ST6GALNAC3: variants seen among roughly 807,000 people sequenced by gnomAD.
ST6GALNAC3 encodes the protein alpha-N-acetylgalactosaminide alpha-2,6-sialyltransferase 3.
ST6GALNAC3 carries 25 observed loss-of-function variants against 32.7 expected under a neutral mutation model. The observed-to-expected ratio is 0.76, with a 90% CI of 0.56 to 1.07. The LOEUF (loss-of-function observed/expected upper bound fraction) is 1.07, where lower values mean the gene tolerates loss of function less well. ST6GALNAC3 is among the 50% of genes least tolerant of loss of function. The pLI, the probability that ST6GALNAC3 is intolerant of heterozygous loss-of-function variation, is 0.00. For missense variants in ST6GALNAC3, 355 were observed against 382.4 expected, an observed-to-expected ratio of 0.93 and a Z score of 0.60; for synonymous variants, 129 against 133.1, an observed-to-expected ratio of 0.97 and a Z score of 0.21.
chr1:76,415,896 C>T (rs1037097066), intron 3 of ST6GALNAC3, among the ~76,000 whole-genome samples: 1 of 151,950 alleles, frequency 6.6e-6, no homozygotes. Flanking sequence ...GAGTTCAAAC[C>T]GAAACTTTCA....
At chr1:76,612,023 C>T (rs1481221495) in intron 3 of ST6GALNAC3, among the ~76,000 whole-genome samples, 1 of 152,134 alleles carries the variant, frequency 6.6e-6, no homozygotes, top group Non-Finnish European at 1.5e-5. Context: ...AAGACACCTG[C>T]GACTTGATAA....
chr1:76,502,371 G>A lies in ST6GALNAC3; in HGVS notation c.623+89954G>A, dbSNP rs904752132. On this transcript the variant is annotated intron_variant, in intron 3 of 4. Transcript: ENST00000328299. ...GTTTGCTAGGGTTGCCAAAGAAAAA[G>A]ACCACAAACTGGGTGCCTGAAACAT... Among the ~76,000 whole-genome samples the A allele has an allele frequency of 8.5e-4, 129 of 152,266 alleles. 1 individual carries two copies. Among genetic ancestry groups the A allele is most frequent in the African/African-American group, 3.1e-3 (127 of 41,564 alleles).
chr1:76,089,382 G>A (rs553497394), intron 1 of ST6GALNAC3, among the ~76,000 whole-genome samples: 2 of 152,226 alleles, frequency 1.3e-5, no homozygotes, highest in South Asian at 4.2e-4. Flanking sequence ...GAGTCCTTGG[G>A]TTGGCTCTGG....
intron 2 of ST6GALNAC3, among the ~76,000 whole-genome samples, chr1:76,410,303 A>G (rs1654141819): frequency 3.9e-5 from 6 of 152,020 alleles, no homozygotes; most frequent in Admixed American, 3.9e-4. Flanking sequence ...TGGTTTTTGC[A>G]TTTGCTCTGC....
intron 3 of ST6GALNAC3, among the ~76,000 whole-genome samples, chr1:76,435,538 G>A (rs1656080137): frequency 6.6e-6 from 1 of 152,158 alleles, no homozygotes; most frequent in Non-Finnish European, 1.5e-5. Context: ...CCTGAATGCT[G>A]AGTAAACAAT....
chr1:76,290,444 T>C (rs1032286055), intron 1 of ST6GALNAC3, among the ~76,000 whole-genome samples: 4 of 152,232 alleles, frequency 2.6e-5, no homozygotes, highest in African/African-American at 9.6e-5. Context: ...ATTATTTATT[T>C]AGCCATCTTA....
At chr1:76,167,867 T>C (rs409312) in intron 1 of ST6GALNAC3, among the ~76,000 whole-genome samples, 21,137 of 152,010 alleles carry the variant, frequency 0.14, 1,720 homozygotes, top group Non-Finnish European at 0.19. Context: ...TTTATTGGAA[T>C]CTTCTCTCTT....
At chr1:76,515,754 C>G (rs1030318846) in intron 3 of ST6GALNAC3, among the ~76,000 whole-genome samples, 1 of 152,040 alleles carries the variant, frequency 6.6e-6, no homozygotes, top group Non-Finnish European at 1.5e-5. Context: ...TAGGTTTGTA[C>G]CATTATGGTC....
At chr1:76,334,832 G>A (rs55753029) in intron 2 of ST6GALNAC3, among the ~76,000 whole-genome samples, 1,663 of 152,286 alleles carry the variant, frequency 0.011, 35 homozygotes, top group African/African-American at 0.037. Context: ...CAGGGTTTCC[G>A]ATTCAGTAGA....
intron 1 of ST6GALNAC3, among the ~76,000 whole-genome samples, chr1:76,292,722 C>T (rs914847354): frequency 7.2e-5 from 11 of 152,188 alleles, no homozygotes; most frequent in African/African-American, 2.2e-4. Context: ...CACTTCCTCT[C>T]ACCGTAGCAT....
intron 1 of ST6GALNAC3, among the ~76,000 whole-genome samples, chr1:76,174,869 T>C (rs1240990355): frequency 6.6e-6 from 1 of 152,058 alleles, no homozygotes; most frequent in Non-Finnish European, 1.5e-5. Context: ...GGTTTCTCCA[T>C]GTTGGCCAGG....
chr1:76,591,914 TAATTTAC>T lies in ST6GALNAC3; in HGVS notation c.624-35533_624-35527del, dbSNP rs142563491. ...CATACCTCAATAATAAATATCTATC[TAATTTAC>T]AATTGGCACGGAAAGAAGTTCTGTG... On this transcript the variant is annotated intron_variant, in intron 3 of 4. Coordinates refer to ENST00000328299, the MANE Select transcript of ST6GALNAC3 (RefSeq NM_152996.4). Among the ~76,000 whole-genome samples the T allele has an allele frequency of 4.5e-3, 688 of 152,302 alleles. 2 individuals carry two copies. The highest frequency in any genetic ancestry group is 5.4e-3 in the Non-Finnish European group (366 of 68,032).
rs1037750652 is a variant in ST6GALNAC3 at position 76,143,828 on chromosome 1, T to C, written c.18+68944T>C. Among the ~76,000 whole-genome samples, 6 of 152,262 alleles carry C rather than the reference T, an allele frequency of 3.9e-5. No individual in the cohort carries two copies. In the South Asian group the frequency reaches 6.2e-4, roughly 16 times the overall value. On this transcript the variant is annotated intron_variant, in intron 1 of 4. Transcript: ENST00000328299. ...AAAATATGATAGGGGCTGCGGCTTA[T>C]TGAGGCCTCACTATTGAGAGGGGGC...
intron 3 of ST6GALNAC3, among the ~76,000 whole-genome samples, chr1:76,494,560 C>T (rs76885831): frequency 0.033 from 4,142 of 126,842 alleles, 270 homozygotes; most frequent in African/African-American, 0.12. Context: ...AACACACACA[C>T]ACACACACAC....
Position 76,494,743 on chromosome 1 carries a change from G to GCACACACA in ST6GALNAC3, c.623+82345_623+82352dup, listed in dbSNP as rs34912507. ...GCATGAAAATATATTTCATGTGTAT[G>GCACACACA]CACACACACACACACACACACACAC... On this transcript the variant is annotated intron_variant, in intron 3 of 4. Transcript: ENST00000328299. Among the ~76,000 whole-genome samples the GCACACACA allele has an allele frequency of 7.3e-3, 946 of 130,374 alleles. 31 individuals carry two copies. The highest frequency in any genetic ancestry group is 0.045 in the Middle Eastern group (12 of 266). The allele number at this position is 130,374 out of a possible 152,430, so 85.5% of individuals were successfully genotyped here.
In ST6GALNAC3 at chr1:76,339,365, A is replaced by C. The variant is rs111979270; in HGVS notation, c.213+25366A>C. Among the ~76,000 whole-genome samples, 813 of 152,284 alleles carry C rather than the reference A, an allele frequency of 5.3e-3. 10 individuals carry two copies. The highest frequency in any genetic ancestry group is 0.019 in the African/African-American group (776 of 41,566). ...TGGAGTGAAGCTGAAGGAAGGAGCC[A>C]TGAGCCAGGCATGTGGGAAGTTCCT... is the stretch of plus-strand genomic sequence containing the variant. On this transcript the variant is annotated intron_variant, in intron 2 of 4. Coordinates refer to ENST00000328299, the MANE Select transcript of ST6GALNAC3 (RefSeq NM_152996.4).
At chr1:76,206,166 T>C (rs1654810808) in intron 1 of ST6GALNAC3, among the ~76,000 whole-genome samples, 1 of 152,166 alleles carries the variant, frequency 6.6e-6, no homozygotes, top group South Asian at 2.1e-4. Context: ...AGTTCTATGA[T>C]TCCATGGTGA....
intron 2 of ST6GALNAC3, among the ~76,000 whole-genome samples, chr1:76,347,112 G>T (rs1170887226): frequency 6.6e-6 from 1 of 152,100 alleles, no homozygotes; most frequent in South Asian, 2.1e-4. Context: ...ATGTAATTTT[G>T]TTTGGCTTAA....
chr1:76,283,967 T>C (rs1659639264), intron 1 of ST6GALNAC3, among the ~76,000 whole-genome samples: 1 of 152,232 alleles, frequency 6.6e-6, no homozygotes, highest in Non-Finnish European at 1.5e-5. Context: ...ATCATTATGT[T>C]ATTAGGAACC....
Sources: allele counts gnomAD v4.1 joint callset (sites outside exome capture counted in the v4.1 genomes callset), GRCh38; gene constraint gnomAD v4.1.1; transcripts MANE v1.5; gene names NCBI Gene and HGNC (gene_info 2026-07-23, HGNC 2026-07-21).